NRXN3: variants seen among roughly 807,000 people sequenced by gnomAD.
NRXN3 encodes neurexin III.
A neutral mutation model predicts 137.6 loss-of-function variants in NRXN3; 32 were observed. That is an observed-to-expected ratio of 0.23 (90% confidence interval 0.18 to 0.31). The LOEUF (loss-of-function observed/expected upper bound fraction) is 0.31, where lower values mean the gene tolerates loss of function less well. Among genes scored for constraint, NRXN3 ranks in the 10% least tolerant of loss-of-function variants. The probability of loss-of-function intolerance (pLI) is 1.00; values close to 1 mark genes in which losing one functional copy is unlikely to be tolerated. For missense variants in NRXN3, 1,574 were observed against 2,062.5 expected, an observed-to-expected ratio of 0.76 and a Z score of 4.59; for synonymous variants, 798 against 784.5, an observed-to-expected ratio of 1.02 and a Z score of -0.29.
chr14:78,872,578 A>G (rs2099104172), intron 10 of NRXN3, among the ~76,000 whole-genome samples: 2 of 152,056 alleles, frequency 1.3e-5, no homozygotes, highest in Admixed American at 6.6e-5. Context: ...CTTAATAATA[A>G]AACTCTAACA....
At chr14:79,446,895 CA>C (rs1350491214) in intron 15 of NRXN3, among the ~76,000 whole-genome samples, 17 of 152,296 alleles carry the variant, frequency 1.1e-4, no homozygotes, top group African/African-American at 4.1e-4. Flanking sequence ...GTGTACAATA[CA>C]GTATTAGTAA....
intron 15 of NRXN3, among the ~76,000 whole-genome samples, chr14:79,176,788 A>AT (rs1258000469): frequency 6.6e-6 from 1 of 152,156 alleles, no homozygotes; most frequent in African/African-American, 2.4e-5. Flanking sequence ...TATTCCATCT[A>AT]TTTATCAATT....
chr14:78,271,339 C>A (rs2072701834), intron 2 of NRXN3, among the ~76,000 whole-genome samples: 1 of 152,058 alleles, frequency 6.6e-6, no homozygotes, highest in Admixed American at 6.6e-5. Flanking sequence ...GCTTTACTAC[C>A]ATTATTCCTG....
intron 15 of NRXN3, among the ~76,000 whole-genome samples, chr14:79,189,653 G>A (rs913575783): frequency 6.6e-5 from 10 of 152,076 alleles, no homozygotes; most frequent in Admixed American, 1.3e-4. Context: ...CTTTTGTAGG[G>A]ACTTTTTCCT....
intron 4 of NRXN3, among the ~76,000 whole-genome samples, chr14:78,515,449 G>A (rs560517940): frequency 6.6e-6 from 1 of 152,208 alleles, no homozygotes; most frequent in African/African-American, 2.4e-5. Flanking sequence ...ATAGACAGCT[G>A]ACCCCAAGCT....
intron 6 of NRXN3, among the ~76,000 whole-genome samples, chr14:78,700,557 A>C (rs1331701363): frequency 6.6e-6 from 1 of 152,134 alleles, no homozygotes; most frequent in African/African-American, 2.4e-5. Flanking sequence ...CCCATTGACT[A>C]GTTCTATCTC....
chr14:79,592,517 G>T (rs558682843), intron 16 of NRXN3, among the ~76,000 whole-genome samples: 46 of 152,074 alleles, frequency 3.0e-4, no homozygotes, highest in African/African-American at 1.0e-3. Flanking sequence ...TCAATAAAAA[G>T]ACTTTTTCTT....
At chr14:79,739,688 C>CTCCAATGG (rs1187651050) in intron 19 of NRXN3, among the ~76,000 whole-genome samples, 1 of 138,622 alleles carries the variant, frequency 7.2e-6, no homozygotes, top group African/African-American at 2.6e-5. Context: ...GAACCCAGGC[C>CTCCAATGG]TCCAATGGTG....
chr14:79,237,565 T>C (rs2073609949), intron 15 of NRXN3, among the ~76,000 whole-genome samples: 1 of 152,070 alleles, frequency 6.6e-6, no homozygotes, highest in East Asian at 1.9e-4. Context: ...CCTTCCCTTG[T>C]CTCTTGGAAA....
At chr14:79,836,422 T>C (rs1405471189) in intron 20 of NRXN3, among the ~76,000 whole-genome samples, 1 of 151,726 alleles carries the variant, frequency 6.6e-6, no homozygotes, top group African/African-American at 2.4e-5. Flanking sequence ...GTTACACTTG[T>C]AGTATCAAGC....
chr14:78,827,758 A>G (rs2098971068), intron 10 of NRXN3, among the ~76,000 whole-genome samples: 2 of 152,254 alleles, frequency 1.3e-5, no homozygotes, highest in Admixed American at 1.3e-4. Flanking sequence ...CAGCTGTCTC[A>G]GCCTCATGGC....
intron 14 of NRXN3, 138 bp from the exon 15 acceptor site, chr14:78,987,884 T>C: frequency 2.3e-6 from 2 of 880,874 alleles, no homozygotes; most frequent in Middle Eastern, 3.1e-4. Context: ...TGAGATTGAG[T>C]TGACAATTTT....
At chr14:79,729,076 T>C (rs2098910651) in intron 19 of NRXN3, among the ~76,000 whole-genome samples, 1 of 152,232 alleles carries the variant, frequency 6.6e-6, no homozygotes, top group Admixed American at 6.5e-5. Context: ...GTGACATGTG[T>C]GCCACCATCA....
At chr14:78,261,200 C>T (rs985609240) in intron 2 of NRXN3, among the ~76,000 whole-genome samples, 1 of 152,176 alleles carries the variant, frequency 6.6e-6, no homozygotes, top group Non-Finnish European at 1.5e-5. Context: ...AGTGACTGAA[C>T]CTTGTCCTCG....
chr14:78,350,329 G>A (rs534959421), intron 4 of NRXN3, among the ~76,000 whole-genome samples: 2 of 152,118 alleles, frequency 1.3e-5, no homozygotes, highest in East Asian at 1.9e-4. Flanking sequence ...TTCTCTGGGA[G>A]GCTGGAGAAA....
chr14:79,598,450 T>C (rs1206121705), intron 16 of NRXN3, among the ~76,000 whole-genome samples: 1 of 152,188 alleles, frequency 6.6e-6, no homozygotes, highest in African/African-American at 2.4e-5. Context: ...ACATTTTGGC[T>C]CCATTTTCTC....
At chr14:79,272,895 G>A (rs1303211880) in intron 15 of NRXN3, among the ~76,000 whole-genome samples, 4 of 152,274 alleles carry the variant, frequency 2.6e-5, no homozygotes, top group Admixed American at 1.3e-4. Flanking sequence ...GGTGGGGGCC[G>A]GGTGCGGTGG....
intron 16 of NRXN3, among the ~76,000 whole-genome samples, chr14:79,526,594 A>G (rs901423554): frequency 2.0e-5 from 3 of 152,318 alleles, no homozygotes; most frequent in Admixed American, 6.5e-5. Flanking sequence ...ATGTTCCGCC[A>G]ATTCAACCAA....
chr14:79,829,876 C>T (rs991419349), intron 20 of NRXN3, among the ~76,000 whole-genome samples: 11 of 152,092 alleles, frequency 7.2e-5, no homozygotes, highest in African/African-American at 2.7e-4. Context: ...TATTTCATTA[C>T]AATGTATTGC....
Sources: allele counts gnomAD v4.1 joint callset (sites outside exome capture counted in the v4.1 genomes callset), GRCh38; gene constraint gnomAD v4.1.1; transcripts MANE v1.5; gene names NCBI Gene and HGNC (gene_info 2026-07-23, HGNC 2026-07-21).